HIVEP3: variants seen among roughly 807,000 people sequenced by gnomAD.
The protein encoded by HIVEP3 is HIVEP zinc finger 3.
HIVEP3 carries 49 observed loss-of-function variants against 152.8 expected under a neutral mutation model. The ratio of observed to expected loss-of-function variants is 0.32; its 90% CI spans 0.26 to 0.41. The LOEUF (loss-of-function observed/expected upper bound fraction) is 0.41. HIVEP3 is among the 10% of genes least tolerant of loss of function. HIVEP3 has a pLI of 1.00. For missense variants in HIVEP3, 2,790 were observed against 3,103.3 expected, an observed-to-expected ratio of 0.90 and a Z score of 2.40; for synonymous variants, 1,269 against 1,289.0, an observed-to-expected ratio of 0.98 and a Z score of 0.33.
intron 1 of HIVEP3, among the ~76,000 whole-genome samples, chr1:41,888,655 G>A (rs1237439045): frequency 6.6e-6 from 1 of 151,690 alleles, no homozygotes; most frequent in Admixed American, 6.6e-5. Flanking sequence ...ATTAGCTCCA[G>A]AATCAGTTAT....
At chr1:41,527,288 TACACCCTC>T (rs1225982466) in intron 5 of HIVEP3, among the ~76,000 whole-genome samples, 10 of 25,416 alleles carry the variant, frequency 3.9e-4, no homozygotes, top group African/African-American at 1.7e-3. Context: ...CACCCTCACA[TACACCCTC>T]ACACCCTCAC....
In HIVEP3 at chr1:41,582,728, A is replaced by T. The variant is rs1252575600; in HGVS notation, c.2070T>A (p.Ile690=). 7 of 1,614,190 alleles carry T rather than the reference A, an allele frequency of 4.3e-6. No homozygotes were observed. Among genetic ancestry groups the T allele is most frequent in the Non-Finnish European group, 5.9e-6 (7 of 1,180,026 alleles). Residue 690 remains isoleucine, a synonymous_variant, in exon 4 of 9, where the codon ATT becomes ATA. Transcript: ENST00000372583. This position sits in a 1 kb window ranked among gnomAD's most constrained non-coding sequence, Gnocchi z 4.7. ...TCATTTGGGACCACGGCTCATGCTCAATCTGACTCTTTTCAGCTTCTGGAG... is the reference window on the plus strand; with the variant it reads ...TCATTTGGGACCACGGCTCATGCTCTATCTGACTCTTTTCAGCTTCTGGAG... ...HTSPEAEKSQ[I]EHEPWSQMMH... is the part of the protein sequence containing the mutation.
At chr1:41,624,599 A>G (rs1645090398) in intron 3 of HIVEP3, among the ~76,000 whole-genome samples, 1 of 152,218 alleles carries the variant, frequency 6.6e-6, no homozygotes, top group South Asian at 2.1e-4. Flanking sequence ...AAAACCATAC[A>G]AGCAAGTACA....
At position 41,828,159 on chromosome 1, in the gene HIVEP3, T is replaced by C. The variant is rs143369022; in HGVS notation, c.-801+90254A>G. Among the ~76,000 whole-genome samples the C allele has an allele frequency of 2.5e-3, 375 of 152,294 alleles. 1 individual carries two copies. The highest frequency in any genetic ancestry group is 8.8e-3 in the African/African-American group (366 of 41,560). On this transcript the variant is annotated intron_variant, in intron 1 of 8. Transcript: ENST00000372583. ...GTATGGAAGCAGTCACTCTGGACCC[T>C]AGTAAAGGAGCTGGTGTAGTTAAGA...
At chr1:41,654,779 G>T (rs1645605304) in intron 2 of HIVEP3, among the ~76,000 whole-genome samples, 1 of 152,166 alleles carries the variant, frequency 6.6e-6, no homozygotes, top group Non-Finnish European at 1.5e-5. Flanking sequence ...ACGCAGGGAG[G>T]TATGCTGGGT....
chr1:41,786,895 G>A (rs1346974816), intron 1 of HIVEP3, among the ~76,000 whole-genome samples: 2 of 151,726 alleles, frequency 1.3e-5, no homozygotes, highest in African/African-American at 4.9e-5. Context: ...AGGATTACAG[G>A]TGCGCACCAC....
chr1:41,841,317 AC>A (rs1431315395), intron 1 of HIVEP3, among the ~76,000 whole-genome samples: 1 of 152,162 alleles, frequency 6.6e-6, no homozygotes, highest in Non-Finnish European at 1.5e-5. Flanking sequence ...ATGACCCCAA[AC>A]AAAAACAAAG....
intron 1 of HIVEP3, among the ~76,000 whole-genome samples, chr1:41,995,401 A>C (rs568454761): frequency 6.6e-6 from 1 of 152,216 alleles, no homozygotes; most frequent in Non-Finnish European, 1.5e-5. Context: ...CTAGAATTGT[A>C]TTATCAGTGA....
chr1:41,588,774 A>G (rs1014218293), intron 3 of HIVEP3, among the ~76,000 whole-genome samples: 2 of 152,212 alleles, frequency 1.3e-5, no homozygotes, highest in Non-Finnish European at 2.9e-5. Context: ...GTCATTCTGC[A>G]CAACAGGCAT....
In HIVEP3 at chr1:41,553,511, T is replaced by C. The variant is rs1434063692; in HGVS notation, c.5207+22033A>G. Among the ~76,000 whole-genome samples the C allele has an allele frequency of 4.6e-5, 7 of 152,266 alleles. No individual in the cohort carries two copies. The South Asian group carries it at 1.0e-3, about 23-fold the overall frequency. ...TTAGCCCATTTACATTTAAGGTTAATATTGTTATGTGTGAATTTGATCCTG... is the reference window on the plus strand; with the variant it reads ...TTAGCCCATTTACATTTAAGGTTAACATTGTTATGTGTGAATTTGATCCTG... On this transcript the variant is annotated intron_variant, in intron 5 of 8. Transcript: ENST00000372583.
chr1:41,696,929 T>C (rs190402876), intron 2 of HIVEP3, among the ~76,000 whole-genome samples: 11 of 152,374 alleles, frequency 7.2e-5, no homozygotes, highest in Admixed American at 7.2e-4. Context: ...CTATGTTATA[T>C]ATTCCTATGA....
chr1:41,961,760 A>G (rs529700501), intron 1 of HIVEP3, among the ~76,000 whole-genome samples: 1 of 152,400 alleles, frequency 6.6e-6, no homozygotes, highest in African/African-American at 2.4e-5. Context: ...GATTCCAAGA[A>G]TAGGATACTT....
At chr1:41,536,778 A>G (rs1215695712) in intron 5 of HIVEP3, among the ~76,000 whole-genome samples, 1 of 152,222 alleles carries the variant, frequency 6.6e-6, no homozygotes, top group East Asian at 1.9e-4. Context: ...TACATGCATT[A>G]CCTCATTAAA....
At chr1:41,979,261 G>A (rs1276483283) in intron 1 of HIVEP3, among the ~76,000 whole-genome samples, 2 of 152,134 alleles carry the variant, frequency 1.3e-5, no homozygotes, top group Non-Finnish European at 1.5e-5. Flanking sequence ...CTTGGTTCTC[G>A]CTGCTCTCCT....
At position 41,546,160 on chromosome 1, in the gene HIVEP3, A is replaced by G. The variant is rs913012753; in HGVS notation, c.5208-21250T>C. On this transcript the variant is annotated intron_variant, in intron 5 of 8. Transcript: ENST00000372583. ...GGTGGGCAGCAGGGCGGGTGACTAC[A>G]GCTGGAACAGGCTCAGTCCCTGGGG... Among the ~76,000 whole-genome samples the G allele has an allele frequency of 7.2e-5, 11 of 151,924 alleles. No individual in the cohort carries two copies. In the East Asian group the frequency reaches 1.5e-3, roughly 21 times the overall value.
At chr1:41,521,678 T>A (rs1163307571) in intron 6 of HIVEP3, among the ~76,000 whole-genome samples, 1 of 152,140 alleles carries the variant, frequency 6.6e-6, no homozygotes, top group Non-Finnish European at 1.5e-5. Context: ...AGGCCTGGAA[T>A]GAAGAGGAAA....
intron 2 of HIVEP3, among the ~76,000 whole-genome samples, chr1:41,681,518 T>C (rs1462134322): frequency 1.3e-5 from 2 of 152,204 alleles, no homozygotes; most frequent in Non-Finnish European, 2.9e-5. Context: ...CAGCTGGTGC[T>C]CACGTGGCTG....
chr1:41,534,974 A>G (rs1178686624), intron 5 of HIVEP3, among the ~76,000 whole-genome samples: 1 of 152,198 alleles, frequency 6.6e-6, no homozygotes, highest in Admixed American at 6.5e-5. Flanking sequence ...CTTCGGAAAT[A>G]GTCCTCATAA....
chr1:41,659,880 C>T (rs1444728392), intron 2 of HIVEP3, among the ~76,000 whole-genome samples: 1 of 152,228 alleles, frequency 6.6e-6, no homozygotes, highest in Non-Finnish European at 1.5e-5. Context: ...GCTCTGGGGA[C>T]ACGGGGACAA....
Sources: gnomAD v4.1 joint callset for allele counts (sites outside exome capture counted in the v4.1 genomes callset) on GRCh38, gnomAD v4.1.1 for gene constraint, Gnocchi (gnomAD v3.1) non-coding constraint, MANE v1.5 for transcripts, NCBI Gene and HGNC (gene_info 2026-07-23, HGNC 2026-07-21) for gene names.